Variants in NTRK3 observed in about 807,000 individuals in gnomAD.
NTRK3 encodes the protein NT-3 growth factor receptor.
In NTRK3, 24 loss-of-function variants were observed where a neutral mutation model predicts 91.7. That is an observed-to-expected ratio of 0.26 (90% CI 0.19 to 0.37). NTRK3 has a LOEUF of 0.37. NTRK3 is among the 10% of genes least tolerant of loss of function. The probability of loss-of-function intolerance (pLI) is 1.00; values close to 1 mark genes in which losing one functional copy is unlikely to be tolerated. For missense variants in NTRK3, 880 were observed against 1,068.9 expected (o/e 0.82, Z 2.46); for synonymous variants, 483 against 404.0 (o/e 1.20, Z -2.34).
intron 13 of NTRK3, among the ~76,000 whole-genome samples, chr15:88,095,415 G>T (rs1354488684): frequency 2.0e-5 from 3 of 152,184 alleles, no homozygotes; most frequent in African/African-American, 4.8e-5. Context: ...GATCAGCGAT[G>T]AGTGGTCTCC....
chr15:88,099,344 G>A (rs909272645), intron 13 of NTRK3: 2 of 201,390 alleles, frequency 9.9e-6, no homozygotes. Context: ...GAAGGAACAT[G>A]GAAGAGAGAA....
At chr15:88,122,367 A>T (rs1217363068) in intron 13 of NTRK3, among the ~76,000 whole-genome samples, 1 of 152,128 alleles carries the variant, frequency 6.6e-6, no homozygotes, top group Non-Finnish European at 1.5e-5. Context: ...GACAGCCATG[A>T]GGGGAGAGAC....
chr15:87,944,651 A>G (rs1309390983), intron 14 of NTRK3, among the ~76,000 whole-genome samples: 3 of 152,178 alleles, frequency 2.0e-5, no homozygotes, highest in Non-Finnish European at 2.9e-5. Context: ...CAGTTCACAG[A>G]GGCTTAACCC....
chr15:88,048,381 G>A (rs1440318655), intron 13 of NTRK3, among the ~76,000 whole-genome samples: 2 of 152,204 alleles, frequency 1.3e-5, no homozygotes, highest in Non-Finnish European at 2.9e-5. Context: ...TTATGGGTAA[G>A]GAGACAGACA....
intron 15 of NTRK3, among the ~76,000 whole-genome samples, chr15:87,936,087 C>T (rs2069250333): frequency 6.6e-6 from 1 of 152,198 alleles, no homozygotes; most frequent in South Asian, 2.1e-4. Context: ...TCTCTGGCCC[C>T]TCTCCGTGGG....
chr15:87,932,227 G>A (rs191021161), intron 16 of NTRK3, among the ~76,000 whole-genome samples: 7 of 152,228 alleles, frequency 4.6e-5, no homozygotes, highest in East Asian at 1.9e-4. Flanking sequence ...TTCTAGGCTC[G>A]GAGAAACCCT....
intron 14 of NTRK3, among the ~76,000 whole-genome samples, chr15:87,948,447 G>A (rs542540106): frequency 5.9e-5 from 9 of 152,322 alleles, no homozygotes; most frequent in African/African-American, 1.9e-4. Context: ...CAGCACTTTG[G>A]GAGGCCGAGG....
chr15:87,874,718 A>G (rs2064903719), exon 19 of NTRK3: 1 of 232,506 alleles, frequency 4.3e-6, no homozygotes, highest in East Asian at 6.1e-5. Context: ...CCCTCCCTGA[A>G]CACCTGTTCT....
At chr15:87,951,271 A>G (rs940659176) in intron 14 of NTRK3, among the ~76,000 whole-genome samples, 2 of 152,282 alleles carry the variant, frequency 1.3e-5, no homozygotes, top group African/African-American at 4.8e-5. Flanking sequence ...TTATGCAAAA[A>G]TAGGTGTCCT....
At chr15:88,157,486 C>T (rs371665820) in intron 5 of NTRK3, among the ~76,000 whole-genome samples, 2 of 151,986 alleles carry the variant, frequency 1.3e-5, no homozygotes, top group Admixed American at 6.5e-5. Context: ...GATGGGAACA[C>T]GTGTGGAGCC....
rs995778442 is a variant in NTRK3 at position 87,955,531 on chromosome 15, G to A, written c.1586-14778C>T. The stretch of plus-strand genomic sequence containing the variant: ...ACACAGAGTGACCTTGCTGAGTGCC[G>A]TTCACATTGGCATAGAGAACCCTAC... On this transcript the variant is annotated intron_variant, in intron 14 of 18. Coordinates refer to ENST00000394480, the Ensembl canonical transcript of NTRK3. Among the ~76,000 whole-genome samples, 22 of 152,212 alleles carry A rather than the reference G, an allele frequency of 1.4e-4. 1 individual carries two copies. The highest frequency in any genetic ancestry group is 5.9e-4 in the Admixed American group (9 of 15,288).
intron 4 of NTRK3, 64 bp downstream of exon 4, chr15:88,184,161 G>A: frequency 6.5e-7 from 1 of 1,530,772 alleles, no homozygotes; most frequent in South Asian, 1.1e-5. Flanking sequence ...CACCCCAGAA[G>A]GCAGACCAGG....
chr15:87,993,873 G>A (rs1307261633), intron 14 of NTRK3, among the ~76,000 whole-genome samples: 2 of 152,196 alleles, frequency 1.3e-5, no homozygotes, highest in Non-Finnish European at 2.9e-5. Flanking sequence ...GCAAAGAGGA[G>A]CTAAAAACCC....
intron 5 of NTRK3, among the ~76,000 whole-genome samples, chr15:88,182,008 C>T (rs2046510370): frequency 6.6e-6 from 1 of 152,176 alleles, no homozygotes. Context: ...CAAGACCCTC[C>T]TCTGGTCCCA....
At chr15:87,910,869 T>C (rs2067052382) in intron 17 of NTRK3, among the ~76,000 whole-genome samples, 2 of 152,206 alleles carry the variant, frequency 1.3e-5, no homozygotes, top group South Asian at 2.1e-4. Context: ...CAGGAAGGGT[T>C]AGACTTGAAG....
intron 15 of NTRK3, among the ~76,000 whole-genome samples, chr15:87,933,703 G>C (rs1432000387): frequency 2.0e-5 from 3 of 152,224 alleles, no homozygotes; most frequent in Non-Finnish European, 2.9e-5. Context: ...AGATTGTGAA[G>C]GTATCTACAT....
intron 5 of NTRK3, among the ~76,000 whole-genome samples, chr15:88,171,831 A>T (rs2151510697): frequency 6.6e-6 from 1 of 152,362 alleles, no homozygotes; most frequent in African/African-American, 2.4e-5. Context: ...TCATTCGTTC[A>T]GTCAGCCATT....
chr15:88,149,957 C>T (rs2043221002), intron 5 of NTRK3, among the ~76,000 whole-genome samples: 1 of 152,218 alleles, frequency 6.6e-6, no homozygotes, highest in Admixed American at 6.5e-5. Context: ...GGACAAGCCC[C>T]CAGCTTCCAA....
exon 19 of NTRK3, chr15:87,868,184 T>C: frequency 4.3e-6 from 1 of 231,258 alleles, no homozygotes; most frequent in East Asian, 6.1e-5. Flanking sequence ...CGCATATATG[T>C]ACACACGAAT....
Sources: allele counts gnomAD v4.1 joint callset (sites outside exome capture counted in the v4.1 genomes callset), GRCh38; gene constraint gnomAD v4.1.1; transcripts MANE v1.5; gene names NCBI Gene and HGNC (gene_info 2026-07-23, HGNC 2026-07-21).